Variants in CLDN10 observed in about 807,000 individuals in gnomAD.
CLDN10 encodes the protein claudin-10.
A neutral mutation model predicts 22.9 loss-of-function variants in CLDN10; 15 were observed. The observed-to-expected ratio is 0.65, with a 90% CI of 0.44 to 1.01. The LOEUF is 1.01. Among genes scored for constraint, CLDN10 ranks in the 50% least tolerant of loss-of-function variants. CLDN10 has a pLI of 0.00. For synonymous variants in CLDN10, 114 were observed against 111.4 expected, an observed-to-expected ratio of 1.02 and a Z score of -0.15; for missense variants, 247 against 287.8, an observed-to-expected ratio of 0.86 and a Z score of 1.03.
intron 3 of CLDN10, among the ~76,000 whole-genome samples, chr13:95,575,891 A>T (rs1206125939): frequency 6.6e-6 from 1 of 152,182 alleles, no homozygotes; most frequent in Non-Finnish European, 1.5e-5. Flanking sequence ...TCCCTGATCA[A>T]TGTGATATGT....
At position 95,471,453 on chromosome 13, in the gene CLDN10, A is replaced by ATATATTTTT. The variant is rs776857009; in HGVS notation, c.214+37407_214+37408insATATTTTTT. Among the ~76,000 whole-genome samples, 207 of 106,348 alleles carry ATATATTTTT rather than the reference A, an allele frequency of 1.9e-3. 2 individuals carry two copies. Among genetic ancestry groups the ATATATTTTT allele is most frequent in the African/African-American group, 5.9e-3 (147 of 24,948 alleles). 69.8% of individuals were successfully genotyped at this position (106,348 alleles called of 152,430 possible). The stretch of plus-strand genomic sequence containing the variant: ...CACACACACACACATATATATATAT[A>ATATATTTTT]TTTTTTTTTTTTTTTTTGAGATGGA... On this transcript the variant is annotated intron_variant, in intron 1 of 4. Transcript: ENST00000376873.
chr13:95,561,230 C>T lies in CLDN10; in HGVS notation c.464+767C>T, dbSNP rs1349960812. 2.0e-5 allele frequency among the ~76,000 whole-genome samples: 3 copies of T among 152,086 alleles called. No individual in the cohort carries two copies. In the East Asian group the frequency reaches 5.8e-4, roughly 29 times the overall value. On this transcript the variant is annotated intron_variant, in intron 3 of 4. Coordinates refer to ENST00000299339, the MANE Select transcript of CLDN10 (RefSeq NM_006984.5). Reference sequence around the variant, plus strand: ...GCCTCACGTACGTGTGTGTGTATTGCTATCAATGAGGCTGGTAATTTTATT... The same window carrying T: ...GCCTCACGTACGTGTGTGTGTATTGTTATCAATGAGGCTGGTAATTTTATT...
intron 1 of CLDN10, among the ~76,000 whole-genome samples, chr13:95,517,398 G>T (rs138383633): frequency 0.01 from 1,539 of 152,238 alleles, 26 homozygotes; most frequent in African/African-American, 0.035. Context: ...TGGGAGAAGG[G>T]TGCAATCCAG....
chr13:95,533,342 T>C (rs2043366553), intron 1 of CLDN10, among the ~76,000 whole-genome samples: 1 of 152,102 alleles, frequency 6.6e-6, no homozygotes, highest in Non-Finnish European at 1.5e-5. Context: ...GTGTTTACTG[T>C]AAAATTCAAC....
At chr13:95,465,046 T>C (rs1285414841) in intron 1 of CLDN10, among the ~76,000 whole-genome samples, 3 of 152,142 alleles carry the variant, frequency 2.0e-5, no homozygotes, top group African/African-American at 7.2e-5. Flanking sequence ...AAGGCATACC[T>C]GAGACTGGGA....
intron 1 of CLDN10, among the ~76,000 whole-genome samples, chr13:95,485,280 G>A (rs79169019): frequency 0.029 from 4,338 of 151,762 alleles, 88 homozygotes; most frequent in Middle Eastern, 0.065. Flanking sequence ...ACTGCGCCTG[G>A]TCCCTTTGAT....
intron 3 of CLDN10, among the ~76,000 whole-genome samples, chr13:95,568,495 C>G (rs1401051241): frequency 6.6e-6 from 1 of 152,118 alleles, no homozygotes; most frequent in Non-Finnish European, 1.5e-5. Context: ...GCTCTTACCC[C>G]CATTGCTCCT....
intron 1 of CLDN10, among the ~76,000 whole-genome samples, chr13:95,558,469 G>A (rs192659912): frequency 5.3e-4 from 81 of 152,304 alleles, no homozygotes; most frequent in African/African-American, 1.8e-3. Flanking sequence ...ATTGTTTTCT[G>A]TATGGAAATA....
upstream of CLDN10, among the ~76,000 whole-genome samples, chr13:95,549,195 A>T (rs1265036986): frequency 6.6e-6 from 1 of 152,258 alleles, no homozygotes; most frequent in African/African-American, 2.4e-5. Context: ...TGTAAAGACT[A>T]AACTATTGTT....
At chr13:95,499,925 G>T (rs1218977151) in intron 1 of CLDN10, among the ~76,000 whole-genome samples, 4 of 151,934 alleles carry the variant, frequency 2.6e-5, no homozygotes, top group Admixed American at 6.6e-5. Flanking sequence ...TGAGCACAAA[G>T]AAAAAAAATA....
At chr13:95,576,278 A>G (rs779800295) in intron 3 of CLDN10, among the ~76,000 whole-genome samples, 7 of 152,014 alleles carry the variant, frequency 4.6e-5, no homozygotes, top group Non-Finnish European at 8.8e-5. Context: ...CATCTCCCCT[A>G]TGGATTCTGT....
intron 1 of CLDN10, among the ~76,000 whole-genome samples, chr13:95,508,140 T>G (rs1057226367): frequency 6.6e-6 from 1 of 152,164 alleles, no homozygotes; most frequent in Non-Finnish European, 1.5e-5. Context: ...AAATTATGTA[T>G]GTAAAGCATC....
Position 95,512,461 on chromosome 13 carries a change from C to A in CLDN10, c.215-47671C>A, listed in dbSNP as rs544738941. On this transcript the variant is annotated intron_variant, in intron 1 of 4. Transcript: ENST00000376873. Reference sequence around the variant, plus strand: ...TATCTGTTTTCGATGTAAATGTGAGCAATGTGTTTTGCCAACAAGTCTAGG... The same window carrying A: ...TATCTGTTTTCGATGTAAATGTGAGAAATGTGTTTTGCCAACAAGTCTAGG... 1.1e-4 allele frequency among the ~76,000 whole-genome samples: 17 copies of A among 152,196 alleles called. No homozygotes were observed. In the South Asian group the frequency reaches 3.5e-3, roughly 32 times the overall value.
chr13:95,449,028 C>T (rs1310411455), intron 1 of CLDN10, among the ~76,000 whole-genome samples: 2 of 151,866 alleles, frequency 1.3e-5, no homozygotes, highest in African/African-American at 4.8e-5. Context: ...CATGAACCAC[C>T]GTGCCCCGTT....
At chr13:95,472,681 A>T (rs185062677) in intron 1 of CLDN10, among the ~76,000 whole-genome samples, 1,574 of 152,122 alleles carry the variant, frequency 0.01, 16 homozygotes, top group Middle Eastern at 0.034. Context: ...AAAAAAAAAA[A>T]AAAAATAGAG....
upstream of CLDN10, chr13:95,552,545 G>A: frequency 4.5e-6 from 1 of 220,708 alleles, no homozygotes; most frequent in Non-Finnish European, 7.6e-6. Context: ...GAACCCGGGG[G>A]GCGACCGCGA....
At chr13:95,577,877 C>A in intron 4 of CLDN10, 23 bp from the exon 5 acceptor site, 1 of 1,537,732 alleles carries the variant, frequency 6.5e-7, no homozygotes, top group Non-Finnish European at 9.0e-7. Context: ...ATAGAATCTA[C>A]CAAACTATGT....
intron 3 of CLDN10, among the ~76,000 whole-genome samples, chr13:95,573,292 A>G (rs758136235): frequency 6.6e-6 from 1 of 152,224 alleles, no homozygotes; most frequent in Non-Finnish European, 1.5e-5. Flanking sequence ...TCTAAAAACA[A>G]TGTTTTCCTC....
At chr13:95,576,308 C>A in intron 3 of CLDN10, among the ~76,000 whole-genome samples, 1 of 152,160 alleles carries the variant, frequency 6.6e-6, no homozygotes, top group East Asian at 1.9e-4. Flanking sequence ...ACAGACCCTC[C>A]GACCCTGGCT....
Sources: allele counts gnomAD v4.1 joint callset (sites outside exome capture counted in the v4.1 genomes callset), GRCh38; gene constraint gnomAD v4.1.1; transcripts MANE v1.5; gene names NCBI Gene and HGNC (gene_info 2026-07-23, HGNC 2026-07-21).